The following RANBP2 variants were observed in gnomAD, a reference collection of about 807,000 sequenced individuals.
RANBP2 encodes RAN binding protein 2.
A neutral mutation model predicts 303.6 loss-of-function variants in RANBP2; 57 were observed. That is an observed-to-expected ratio of 0.19 (90% CI 0.15 to 0.23). The LOEUF is 0.23. Ranked by LOEUF, RANBP2 falls within the 10% of genes least tolerant of loss-of-function variation. The probability of loss-of-function intolerance (pLI) is 1.00; values close to 1 mark genes in which losing one functional copy is unlikely to be tolerated. For missense variants in RANBP2, 3,138 were observed against 3,780.8 expected (o/e 0.83, Z 4.46); for synonymous variants, 1,167 against 1,301.5 (o/e 0.90, Z 2.23).
At chr2:108,799,594 A>G in the RANBP2 span, among the ~76,000 whole-genome samples, 187 of 152,312 alleles carry the variant, frequency 1.2e-3, no homozygotes, top group African/African-American at 4.3e-3. Flanking sequence ...GTTTATTTAC[A>G]GTGTTTCTTG....
At chr2:109,119,158 T>C in the RANBP2 span, among the ~76,000 whole-genome samples, 1 of 152,042 alleles carries the variant, frequency 6.6e-6, no homozygotes, top group Non-Finnish European at 1.5e-5. Flanking sequence ...AGGCATGGAG[T>C]TCCTGGACAG....
chr2:108,875,292 A>C, the RANBP2 span, among the ~76,000 whole-genome samples: 1 of 148,512 alleles, frequency 6.7e-6, no homozygotes. Flanking sequence ...CACAATGTGC[A>C]CATGTACCCT....
chr2:109,259,010 T>C, the RANBP2 span, among the ~76,000 whole-genome samples: 2 of 152,208 alleles, frequency 1.3e-5, no homozygotes, highest in Non-Finnish European at 2.9e-5. Flanking sequence ...TGGGGTCAGC[T>C]CACTGTGTAG....
chr2:109,357,357 A>G, the RANBP2 span, among the ~76,000 whole-genome samples: 5 of 151,990 alleles, frequency 3.3e-5, no homozygotes, highest in Non-Finnish European at 7.4e-5. Context: ...AATTTTGTGT[A>G]TTTTTAGTAG....
the RANBP2 span, among the ~76,000 whole-genome samples, chr2:109,668,400 CA>C: frequency 1.1e-4 from 16 of 152,238 alleles, no homozygotes; most frequent in South Asian, 3.3e-3. Context: ...ATAAAATCAT[CA>C]CCTCAAAGCA....
At chr2:109,538,578 A>G in the RANBP2 span, among the ~76,000 whole-genome samples, 1 of 152,212 alleles carries the variant, frequency 6.6e-6, no homozygotes, top group African/African-American at 2.4e-5. Context: ...GTGCAGTGGC[A>G]TGATCTCGGC....
At chr2:109,292,445 C>T in the RANBP2 span, among the ~76,000 whole-genome samples, 1 of 152,154 alleles carries the variant, frequency 6.6e-6, no homozygotes, top group Admixed American at 6.5e-5. Context: ...AAAATGTTCT[C>T]AAAATAGGAT....
At chr2:109,165,628 T>C in the RANBP2 span, among the ~76,000 whole-genome samples, 1 of 152,190 alleles carries the variant, frequency 6.6e-6, no homozygotes. Context: ...CTTAGAGCAC[T>C]GTGCTGCACT....
the RANBP2 span, among the ~76,000 whole-genome samples, chr2:109,505,904 G>A: frequency 1.3e-5 from 2 of 152,208 alleles, no homozygotes; most frequent in Non-Finnish European, 2.9e-5. Context: ...CAGTCTGTCT[G>A]GAGAGGGTGC....
chr2:109,131,794 T>A, the RANBP2 span, among the ~76,000 whole-genome samples: 1 of 152,256 alleles, frequency 6.6e-6, no homozygotes, highest in Non-Finnish European at 1.5e-5. Flanking sequence ...TGGTTGACTT[T>A]CTTTATGGGT....
chr2:108,975,292 A>G, the RANBP2 span, among the ~76,000 whole-genome samples: 1 of 152,142 alleles, frequency 6.6e-6, no homozygotes, highest in African/African-American at 2.4e-5. Flanking sequence ...GCCGGCCACC[A>G]TGCTCCTGCC....
At chr2:108,913,282 A>G in the RANBP2 span, among the ~76,000 whole-genome samples, 3 of 152,128 alleles carry the variant, frequency 2.0e-5, no homozygotes, top group African/African-American at 2.4e-5. Context: ...CACTCATGTG[A>G]TAAGTCTGCT....
the RANBP2 span, among the ~76,000 whole-genome samples, chr2:109,371,232 A>T: frequency 1.3e-5 from 2 of 152,200 alleles, no homozygotes; most frequent in Non-Finnish European, 2.9e-5. Context: ...CTACCAAAAA[A>T]TACAAAAATT....
the RANBP2 span, among the ~76,000 whole-genome samples, chr2:108,864,056 AATAG>A: frequency 6.6e-6 from 1 of 152,168 alleles, no homozygotes; most frequent in Non-Finnish European, 1.5e-5. Context: ...ACTAGACAAT[AATAG>A]ATGATGTGTT....
At chr2:108,837,933 T>G in the RANBP2 span, among the ~76,000 whole-genome samples, 3 of 152,156 alleles carry the variant, frequency 2.0e-5, no homozygotes, top group African/African-American at 7.2e-5. Flanking sequence ...GATTTTTTTT[T>G]TTTTTAAAGA....
At chr2:108,730,989 G>A (rs1301759277) in intron 3 of RANBP2, 104 bp downstream of exon 3, 9 of 1,311,358 alleles carry the variant, frequency 6.9e-6, no homozygotes, top group Admixed American at 1.9e-5. Flanking sequence ...TCATAAAACA[G>A]GCATTGGTAT....
chr2:109,419,348 C>T, the RANBP2 span, among the ~76,000 whole-genome samples: 1 of 152,194 alleles, frequency 6.6e-6, no homozygotes, highest in African/African-American at 2.4e-5. Flanking sequence ...TGAAAATCAC[C>T]TCAGGGCAGG....
the RANBP2 span, among the ~76,000 whole-genome samples, chr2:109,639,152 G>T: frequency 6.6e-6 from 1 of 152,178 alleles, no homozygotes; most frequent in East Asian, 1.9e-4. Flanking sequence ...CATATTTTTC[G>T]TTCTGAATTG....
the RANBP2 span, among the ~76,000 whole-genome samples, chr2:109,053,957 G>A: frequency 2.0e-5 from 3 of 152,136 alleles, no homozygotes; most frequent in Admixed American, 2.0e-4. Context: ...CAGGCTCTGG[G>A]GCCAGTTCAA....
Sources: allele counts gnomAD v4.1 joint callset (sites outside exome capture counted in the v4.1 genomes callset), GRCh38; gene constraint gnomAD v4.1.1; transcripts MANE v1.5; gene names NCBI Gene and HGNC (gene_info 2026-07-23, HGNC 2026-07-21).